ALS2: variants seen among roughly 807,000 people sequenced by gnomAD.
ALS2 encodes the protein alsin Rho guanine nucleotide exchange factor ALS2.
In ALS2, 117 loss-of-function variants were observed where a neutral mutation model predicts 203.4. The observed-to-expected ratio is 0.58, with a 90% CI of 0.50 to 0.67. The LOEUF (loss-of-function observed/expected upper bound fraction) is 0.67, where lower values mean the gene tolerates loss of function less well. Ranked by LOEUF, ALS2 falls within the 30% of genes least tolerant of loss-of-function variation. The probability of loss-of-function intolerance (pLI) is 0.00; values close to 1 mark genes in which losing one functional copy is unlikely to be tolerated. For synonymous variants in ALS2, 718 were observed against 725.9 expected, an observed-to-expected ratio of 0.99 and a Z score of 0.17; for missense variants, 1,715 against 1,989.4, an observed-to-expected ratio of 0.86 and a Z score of 2.62.
At chr2:201,738,291 T>TA (rs1692013304) in intron 12 of ALS2, among the ~76,000 whole-genome samples, 1 of 152,206 alleles carries the variant, frequency 6.6e-6, no homozygotes. Context: ...AAATAGGTTG[T>TA]ATCTGCGCAA....
rs750246336 is a variant in ALS2 at position 201,728,499 on chromosome 2, G to C, written c.2841+13C>G. On this transcript the variant is annotated intron_variant, in intron 15 of 33. Coordinates refer to ENST00000264276, the MANE Select transcript of ALS2 (RefSeq NM_020919.4). ...CTTTCAGGAATTCTTTTAAGGTTAG[G>C]AATCCAGCCTACCTGGGCATGGACC... The C allele has an allele frequency of 1.2e-6, 2 of 1,613,854 alleles. No homozygotes were observed. Among genetic ancestry groups the C allele is most frequent in the Non-Finnish European group, 1.7e-6 (2 of 1,179,994 alleles).
chr2:201,777,521 A>G (rs2106119636), intron 1 of ALS2, among the ~76,000 whole-genome samples: 1 of 152,324 alleles, frequency 6.6e-6, no homozygotes, highest in South Asian at 2.1e-4. Flanking sequence ...TTAACTATAC[A>G]TAAAACTGTA....
At chr2:201,709,450 G>A (rs896724260) in intron 27 of ALS2, among the ~76,000 whole-genome samples, 5 of 152,012 alleles carry the variant, frequency 3.3e-5, no homozygotes, top group South Asian at 2.1e-4. Context: ...ACATAGAAAC[G>A]CTCCATAAAT....
At chr2:201,730,492 A>G (rs1488776698) in intron 13 of ALS2, among the ~76,000 whole-genome samples, 1 of 152,222 alleles carries the variant, frequency 6.6e-6, no homozygotes, top group African/African-American at 2.4e-5. Flanking sequence ...TTCGCTTAAA[A>G]GTTGAGATTT....
intron 11 of ALS2, among the ~76,000 whole-genome samples, chr2:201,739,936 A>G (rs1034296527): frequency 3.3e-5 from 5 of 152,172 alleles, no homozygotes; most frequent in African/African-American, 1.2e-4. Context: ...ACTTTGAGGA[A>G]GAAGGGAAAC....
At position 201,733,261 on chromosome 2, in the gene ALS2, T is replaced by C. The variant is rs1691683706; in HGVS notation, c.2580+15A>G. 1 of 1,613,482 alleles carries C rather than the reference T, an allele frequency of 6.2e-7. No homozygotes were observed. Among genetic ancestry groups the C allele is most frequent in the Non-Finnish European group, 8.5e-7 (1 of 1,179,614 alleles). On this transcript the variant is annotated intron_variant, in intron 13 of 33. Transcript: ENST00000264276. ...GGCTTTCCAAATGTCCAAAGAGGTA[T>C]ACATGGGAGCTTACCACTTCAAAAC...
At chr2:201,741,953 C>T (rs1325295577) in intron 10 of ALS2, 99 bp from the exon 11 acceptor site, 1 of 1,126,136 alleles carries the variant, frequency 8.9e-7, no homozygotes, top group Non-Finnish European at 1.3e-6. Flanking sequence ...ACTACTTAAC[C>T]TGTTGCCATG....
At chr2:201,722,279 G>A (rs1178745503) in intron 23 of ALS2, 2 of 152,152 alleles carry the variant, frequency 1.3e-5, no homozygotes, top group Non-Finnish European at 2.9e-5. Flanking sequence ...TTAAAACCAG[G>A]AGATACCACT....
chr2:201,712,048 A>G (rs1376195724), intron 25 of ALS2, among the ~76,000 whole-genome samples: 1 of 152,190 alleles, frequency 6.6e-6, no homozygotes, highest in Non-Finnish European at 1.5e-5. Flanking sequence ...CATGAATGAA[A>G]TACTAAAATC....
chr2:201,723,286 G>A, intron 22 of ALS2, 44 bp downstream of exon 22: 1 of 1,498,992 alleles, frequency 6.7e-7, no homozygotes. Flanking sequence ...GGACAAAGGA[G>A]CTTTAAAAAG....
chr2:201,722,538 G>A (rs1690872944), intron 23 of ALS2: 1 of 153,666 alleles, frequency 6.5e-6, no homozygotes, highest in Non-Finnish European at 1.4e-5. Flanking sequence ...GCATTCAAAA[G>A]TTTATAGCAG....
rs1348146743 is a variant in ALS2, at chr2:201,728,660, T to C, written c.2713-20A>G. ...GGAATCCTGGAATTAAAGACAAATA[T>C]AATACAAGTCAAACAATCAAAATTA... On this transcript the variant is annotated intron_variant, in intron 14 of 33. Transcript: ENST00000264276. 4 of 1,611,302 alleles carry C rather than the reference T, an allele frequency of 2.5e-6. No homozygotes were observed. The African/African-American group carries it at 4.0e-5, about 16-fold the overall frequency.
chr2:201,723,019 A>G lies in ALS2; in HGVS notation c.3702+24T>C, dbSNP rs114625717. On this transcript the variant is annotated intron_variant, in intron 23 of 33. Coordinates refer to ENST00000264276, the MANE Select transcript of ALS2 (RefSeq NM_020919.4). ...TAGTAAAAGAATTTATTAGGGAGAA[A>G]AAAAAAGAAAGCTAGTTTCCAACCT... The G allele has an allele frequency of 2.4e-3, 3,698 of 1,558,170 alleles. 66 individuals carry two copies. The African/African-American group carries it at 0.039, about 16-fold the overall frequency.
chr2:201,751,496 C>T (rs2192760), intron 7 of ALS2, among the ~76,000 whole-genome samples: 79,744 of 151,980 alleles, frequency 0.52, 23,238 homozygotes, highest in Admixed American at 0.67. Flanking sequence ...TCTTTTATGA[C>T]GAAAATATAA....
At chr2:201,777,642 G>T (rs1177214189) in intron 1 of ALS2, among the ~76,000 whole-genome samples, 1 of 152,024 alleles carries the variant, frequency 6.6e-6, no homozygotes, top group Admixed American at 6.6e-5. Context: ...AGTTACAGAG[G>T]TGAAGAAACT....
intron 13 of ALS2, 74 bp downstream of exon 13, chr2:201,733,202 G>T: frequency 6.8e-7 from 1 of 1,460,408 alleles, no homozygotes; most frequent in Non-Finnish European, 9.5e-7. Flanking sequence ...CAGATCTTGT[G>T]GTGGCATAAT....
At chr2:201,733,560 G>T in intron 12 of ALS2, 122 bp from the exon 13 acceptor site, 1 of 835,950 alleles carries the variant, frequency 1.2e-6, no homozygotes, top group Non-Finnish European at 1.9e-6. Context: ...TGCTGTGAAA[G>T]TAGAAATACA....
chr2:201,741,625 G>T, intron 11 of ALS2, 49 bp downstream of exon 11: 1 of 1,575,624 alleles, frequency 6.3e-7, no homozygotes, highest in Non-Finnish European at 8.7e-7. Context: ...GTTCTCCTTG[G>T]CAGAATAACC....
intron 18 of ALS2, 47 bp from the exon 19 acceptor site, chr2:201,726,596 ATAAT>A: frequency 1.9e-6 from 3 of 1,609,610 alleles, no homozygotes; most frequent in Non-Finnish European, 2.6e-6. Flanking sequence ...AATATTTCAG[ATAAT>A]TAATACTTTT....
Sources: allele counts gnomAD v4.1 joint callset (sites outside exome capture counted in the v4.1 genomes callset), GRCh38; gene constraint gnomAD v4.1.1; transcripts MANE v1.5; gene names NCBI Gene and HGNC (gene_info 2026-07-23, HGNC 2026-07-21).